Variants in NPAS4 observed in about 807,000 individuals in gnomAD.
NPAS4 encodes neuronal PAS domain protein 4, also known as neuronal PAS domain-containing protein 4.
Under a neutral mutation model 64.0 loss-of-function variants are expected in NPAS4, and 10 were observed. The ratio of observed to expected loss-of-function variants is 0.16; its 90% CI spans 0.10 to 0.26. The LOEUF (loss-of-function observed/expected upper bound fraction) is 0.26, where lower values mean the gene tolerates loss of function less well. NPAS4 is among the 10% of genes least tolerant of loss of function. The probability of loss-of-function intolerance (pLI) is 1.00; values close to 1 mark genes in which losing one functional copy is unlikely to be tolerated. For missense variants in NPAS4, 886 were observed against 992.6 expected, an observed-to-expected ratio of 0.89 and a Z score of 1.44; for synonymous variants, 441 against 411.7, an observed-to-expected ratio of 1.07 and a Z score of -0.86.
At position 66,421,175 on chromosome 11, in the gene NPAS4, C is replaced by T. The variant is rs1201226227; in HGVS notation, c.-5C>T. On this transcript the variant is annotated 5_prime_UTR_variant, in exon 1 of 8. Transcript: ENST00000311034. ...ACCCGAGCTGGAGCTCCGCAGCCGC[C>T]GGTCATGTACCGCTCCACCAAGGGC... 5 of 1,593,494 alleles carry T rather than the reference C, an allele frequency of 3.1e-6. No homozygotes were observed. The highest frequency in any genetic ancestry group is 3.4e-6 in the Non-Finnish European group (4 of 1,168,846).
intron 7 of NPAS4, among the ~76,000 whole-genome samples, chr11:66,425,752 C>A (rs1216479293): frequency 1.3e-5 from 2 of 152,180 alleles, no homozygotes; most frequent in Non-Finnish European, 2.9e-5. Context: ...AGGTAGCTCC[C>A]TGGTTACAGC....
At position 66,426,404 on chromosome 11, in the gene NPAS4, C is replaced by A. The variant is rs1856838915; in HGVS notation, c.*415C>A. 5.8e-6 allele frequency: 1 copy of A among 173,048 alleles called. No homozygotes were observed. The highest frequency in any genetic ancestry group is 2.4e-5 in the African/African-American group (1 of 42,198). The allele number at this position is 173,048 out of a possible 1,614,324, so 10.7% of individuals were successfully genotyped here. ...CCCGTGCCCTGAGGGGCTCTTGACA[C>A]CCACGTAGAATTCTCTACACACCAG... On this transcript the variant is annotated 3_prime_UTR_variant, in exon 8 of 8. Coordinates refer to ENST00000311034, the MANE Select transcript of NPAS4 (RefSeq NM_178864.4).
At position 66,424,727 on chromosome 11, in the gene NPAS4, G is replaced by A; in HGVS notation, c.1837G>A (p.Glu613Lys). 1 of 1,613,724 alleles carries A rather than the reference G, an allele frequency of 6.2e-7. No homozygotes were observed. Among genetic ancestry groups the A allele is most frequent in the Non-Finnish European group, 8.5e-7 (1 of 1,179,838 alleles). ...PLVPEGLLTP[E>K]ASPVKQSFFH... is the part of the protein sequence containing the mutation. ...GGTGCCCGAAGGCCTGCTCACACCT[G>A]AGGCCTCTCCAGTCAAGCAGAGTTT... Residue 613 changes from glutamate (E) to lysine (K), a missense_variant, in exon 7 of 8, where the codon GAG becomes AAG. Glu to Lys is a moderately conservative substitution (Grantham distance 56). Transcript: ENST00000311034.
At position 66,423,272 on chromosome 11, in the gene NPAS4, G is replaced by A. The variant is rs1385661458; in HGVS notation, c.808+40G>A. 2.2e-6 allele frequency: 3 copies of A among 1,348,114 alleles called. No individual in the cohort carries two copies. The African/African-American group carries it at 4.3e-5, about 19-fold the overall frequency. The allele number at this position is 1,348,114 out of a possible 1,614,324, so 83.5% of individuals were successfully genotyped here. ...AGGCTGGGGACAAGATAGCAAGCTGGGAAAGGGCATGGGAGACCAGACAAA... is the reference window on the plus strand; with the variant it reads ...AGGCTGGGGACAAGATAGCAAGCTGAGAAAGGGCATGGGAGACCAGACAAA... On this transcript the variant is annotated intron_variant, in intron 5 of 7. Coordinates refer to ENST00000311034, the MANE Select transcript of NPAS4 (RefSeq NM_178864.4).
At chr11:66,416,796 C>T (rs556984162), upstream of NPAS4, 8 of 152,392 alleles carry the variant, frequency 5.2e-5, no homozygotes, top group African/African-American at 1.9e-4. Flanking sequence ...CTCATAGACA[C>T]ATTTGTCCAG....
chr11:66,413,826 C>A, the NPAS4 span, among the ~76,000 whole-genome samples: 1 of 152,200 alleles, frequency 6.6e-6, no homozygotes, highest in Admixed American at 6.5e-5. Flanking sequence ...CCCAGCATGC[C>A]TCCTTGACAG....
upstream of NPAS4, among the ~76,000 whole-genome samples, chr11:66,417,792 C>T (rs1299322966): frequency 1.3e-5 from 2 of 150,592 alleles, no homozygotes; most frequent in East Asian, 1.9e-4. Context: ...TAGAACTGCA[C>T]AGAACATAGG....
chr11:66,422,612 C>T, intron 3 of NPAS4, 59 bp downstream of exon 3: 3 of 1,600,484 alleles, frequency 1.9e-6, no homozygotes, highest in South Asian at 1.1e-5. Context: ...CTTCTCCCCA[C>T]CATCCACTGT....
intron 4 of NPAS4, 26 bp downstream of exon 4, chr11:66,422,967 A>C (rs761925561): frequency 2.5e-6 from 4 of 1,597,150 alleles, no homozygotes; most frequent in Non-Finnish European, 3.4e-6. Context: ...TCAGATTCCA[A>C]GAGAAAGGCA....
upstream of NPAS4, among the ~76,000 whole-genome samples, chr11:66,417,626 C>A (rs986385134): frequency 6.6e-6 from 1 of 152,048 alleles, no homozygotes; most frequent in Non-Finnish European, 1.5e-5. Flanking sequence ...TCAGAGAGGG[C>A]AACAGAAGCT....
chr11:66,423,292 G>A, intron 5 of NPAS4, 60 bp downstream of exon 5: 1 of 1,123,656 alleles, frequency 8.9e-7, no homozygotes, highest in African/African-American at 1.5e-5. Flanking sequence ...TGGGAGACCA[G>A]ACAAAGAATG....
the NPAS4 span, chr11:66,410,115 C>T: frequency 2.6e-5 from 4 of 152,250 alleles, no homozygotes; most frequent in Non-Finnish European, 5.9e-5. Flanking sequence ...CTTTGGACCC[C>T]CTGCCCGGTC....
At position 66,425,015 on chromosome 11, in the gene NPAS4, C is replaced by A; in HGVS notation, c.2125C>A (p.Pro709Thr). ...DPDNMFLEET[P>T]VEDIFMDLST... Reference sequence around the variant, plus strand: ...TGATAACATGTTCCTGGAAGAGACGCCCGTGGAAGACATCTTCATGGATCT... The same window carrying A: ...TGATAACATGTTCCTGGAAGAGACGACCGTGGAAGACATCTTCATGGATCT... The change falls in exon 7 of 8, where the codon CCC becomes ACC. Residue 709 changes from proline to threonine, a missense_variant. Coordinates refer to ENST00000311034, the MANE Select transcript of NPAS4 (RefSeq NM_178864.4). 6.2e-7 allele frequency: 1 copy of A among 1,613,908 alleles called. No individual in the cohort carries two copies. The highest frequency in any genetic ancestry group is 8.5e-7 in the Non-Finnish European group (1 of 1,179,898).
rs576968994 is a variant in NPAS4, at chr11:66,425,039, C to A, written c.2149C>A (p.Leu717Ile). Residue 717 changes from leucine to isoleucine, a missense_variant, in exon 7 of 8, where the codon CTC becomes ATC. Leu to Ile is a conservative substitution (Grantham distance 5). This residue lies in a region of NPAS4 where 820 missense variants were observed against 855.5 expected (regional missense o/e 0.96). Transcript: ENST00000311034. ...ETPVEDIFMD[L>I]STPDPSEEWG... ...GCCCGTGGAAGACATCTTCATGGAT[C>A]TCTCTACCCCAGATCCCAGTGAGGA... is the stretch of plus-strand genomic sequence containing the variant. 6.8e-6 allele frequency: 11 copies of A among 1,612,620 alleles called. No homozygotes were observed. In the South Asian group the frequency reaches 1.2e-4, roughly 18 times the overall value.
At chr11:66,416,369 G>A (rs372376563), upstream of NPAS4, among the ~76,000 whole-genome samples, 3 of 152,252 alleles carry the variant, frequency 2.0e-5, no homozygotes, top group East Asian at 5.8e-4. Context: ...AGCCAAGCAC[G>A]GGAGGAAACA....
chr11:66,421,651 G>GGGGAGGGAAGCCC (rs1856743988), intron 1 of NPAS4, among the ~76,000 whole-genome samples: 1 of 152,264 alleles, frequency 6.6e-6, no homozygotes, highest in South Asian at 2.1e-4. Context: ...TCCGGGAGCC[G>GGGGAGGGAAGCCC]GGGAGGGAAG....
the NPAS4 span, among the ~76,000 whole-genome samples, chr11:66,414,288 C>T: frequency 1.3e-5 from 2 of 152,168 alleles, no homozygotes; most frequent in Admixed American, 6.5e-5. Flanking sequence ...GAGTATTGGT[C>T]GCTGCTCTGC....
chr11:66,424,874 C>T lies in NPAS4; in HGVS notation c.1984C>T (p.Leu662Phe). 7 of 1,613,074 alleles carry T rather than the reference C, an allele frequency of 4.3e-6. No individual in the cohort carries two copies. Among genetic ancestry groups the T allele is most frequent in the Non-Finnish European group, 5.9e-6 (7 of 1,179,636 alleles). ...AEAGTGGLEP[L>F]GGLEPLDSNL... is the part of the protein sequence containing the mutation. ...GGCTGGCACTGGCGGACTAGAGCCA[C>T]TTGGAGGACTGGAGCCCCTGGACTC... The change falls in exon 7 of 8, where the codon CTT becomes TTT. Residue 662 changes from leucine (L) to phenylalanine (F), a missense_variant. By Grantham distance (22) the Leu-to-Phe change is conservative. Coordinates refer to ENST00000311034, the MANE Select transcript of NPAS4 (RefSeq NM_178864.4).
At chr11:66,415,535 A>G in the NPAS4 span, among the ~76,000 whole-genome samples, 51 of 152,184 alleles carry the variant, frequency 3.4e-4, no homozygotes, top group Non-Finnish European at 6.8e-4. Flanking sequence ...TGTTGCAACT[A>G]CTCAGCTCTT....
Sources: allele counts gnomAD v4.1 joint callset (sites outside exome capture counted in the v4.1 genomes callset), GRCh38; gene constraint gnomAD v4.1.1; regional missense constraint gnomAD v4.1.1; transcripts MANE v1.5; gene names NCBI Gene and HGNC (gene_info 2026-07-23, HGNC 2026-07-21).